Variants in EDARADD observed in about 807,000 individuals in gnomAD.
EDARADD encodes EDAR associated via death domain.
A neutral mutation model predicts 25.6 loss-of-function variants in EDARADD; 20 were observed. That is an observed-to-expected ratio of 0.78 (90% CI 0.55 to 1.14). EDARADD has a LOEUF of 1.14. EDARADD is among the 50% of genes most tolerant of loss of function. The pLI is 0.00. For synonymous variants in EDARADD, 86 were observed against 94.4 expected (o/e 0.91, Z 0.52); for missense variants, 225 against 270.1 (o/e 0.83, Z 1.17).
chr1:236,432,795 G>T (rs1383124479), intron 4 of EDARADD, among the ~76,000 whole-genome samples: 2 of 152,140 alleles, frequency 1.3e-5, no homozygotes, highest in African/African-American at 4.8e-5. Context: ...TAAGGCAGGA[G>T]AATTGCTTGA....
intron 2 of EDARADD, among the ~76,000 whole-genome samples, chr1:236,349,234 G>A (rs56115980): frequency 0.1 from 15,485 of 151,628 alleles, 1,254 homozygotes; most frequent in African/African-American, 0.22. Flanking sequence ...TGTAGTGATG[G>A]GATCTTGGCT....
At chr1:236,464,566 A>C (rs1659136987) in intron 4 of EDARADD, among the ~76,000 whole-genome samples, 1 of 150,780 alleles carries the variant, frequency 6.6e-6, no homozygotes, top group African/African-American at 2.4e-5. Flanking sequence ...CTGAGTAGCT[A>C]GGAACACAGG....
intron 3 of EDARADD, among the ~76,000 whole-genome samples, chr1:236,375,278 A>C (rs1667213470): frequency 6.6e-6 from 1 of 152,214 alleles, no homozygotes; most frequent in Non-Finnish European, 1.5e-5. Flanking sequence ...ACGTAAATAT[A>C]TATGTATATA....
chr1:236,387,029 C>A (rs1572120327), intron 3 of EDARADD, among the ~76,000 whole-genome samples: 1 of 47,318 alleles, frequency 2.1e-5, no homozygotes. Context: ...CGGCCAGCCG[C>A]CCCATCCGGG....
intron 1 of EDARADD, among the ~76,000 whole-genome samples, chr1:236,394,980 T>C (rs1667486591): frequency 6.6e-6 from 1 of 152,188 alleles, no homozygotes; most frequent in Non-Finnish European, 1.5e-5. Flanking sequence ...ATGTAGTAAC[T>C]AATGCCAAAG....
intron 1 of EDARADD, among the ~76,000 whole-genome samples, chr1:236,400,720 A>ATTTTTT (rs55864840): frequency 1.6e-4 from 19 of 121,164 alleles, no homozygotes; most frequent in Non-Finnish European, 1.5e-4. Context: ...ACACCCGGCT[A>ATTTTTT]TTTTTTTTTT....
chr1:236,416,385 T>C (rs529264617), intron 3 of EDARADD, among the ~76,000 whole-genome samples: 1 of 152,370 alleles, frequency 6.6e-6, no homozygotes, highest in African/African-American at 2.4e-5. Context: ...GGAGCTGTAA[T>C]GGCCCTAGCA....
chr1:236,381,776 C>CT (rs1300263414), intron 3 of EDARADD, among the ~76,000 whole-genome samples: 26 of 16,652 alleles, frequency 1.6e-3, no homozygotes, highest in South Asian at 4.4e-3. Flanking sequence ...TGTAATATGT[C>CT]TTTTTTTTTT....
chr1:236,460,692 G>A (rs750019287), intron 4 of EDARADD, among the ~76,000 whole-genome samples: 9 of 152,208 alleles, frequency 5.9e-5, no homozygotes, highest in East Asian at 1.9e-4. Flanking sequence ...TGGTACTAAC[G>A]TTTAGACATG....
intron 3 of EDARADD, among the ~76,000 whole-genome samples, chr1:236,383,089 G>GA (rs1422140799): frequency 6.6e-6 from 1 of 151,998 alleles, no homozygotes; most frequent in African/African-American, 2.4e-5. Flanking sequence ...TCTCTGCGCT[G>GA]CAACTTAGAA....
At chr1:236,405,870 C>CT (rs1558112769) in intron 1 of EDARADD, among the ~76,000 whole-genome samples, 79 of 37,490 alleles carry the variant, frequency 2.1e-3, no homozygotes, top group African/African-American at 8.0e-3. Context: ...TCCTTCCTTC[C>CT]TTCCTTCTTT....
chr1:236,380,690 G>A lies in EDARADD; in HGVS notation c.-5-28526G>A, dbSNP rs569006638. On this transcript the variant is annotated intron_variant, in intron 3 of 7. Coordinates refer to the EDARADD transcript ENST00000439430. ...AATTGCCCAGAAATAGCCATTATTA[G>A]CTATTGTTATGAGCTTGGCATGTAT... Among the ~76,000 whole-genome samples the A allele has an allele frequency of 1.4e-4, 22 of 152,242 alleles. 1 individual carries two copies. The South Asian group carries it at 4.4e-3, about 30-fold the overall frequency.
rs141130580 is a variant in EDARADD, at chr1:236,419,509, G to A, written c.160+5210G>A. 2.5e-3 allele frequency among the ~76,000 whole-genome samples: 378 copies of A among 152,318 alleles called. 1 individual carries two copies. The highest frequency in any genetic ancestry group is 4.4e-3 in the Non-Finnish European group (299 of 68,028). On this transcript the variant is annotated intron_variant, in intron 3 of 5. Coordinates refer to ENST00000334232, the MANE Select transcript of EDARADD (RefSeq NM_145861.4). Reference sequence around the variant, plus strand: ...TGACATTGTGGGGATGACTGTGATTGAAGTCACACACCTATTACGTTGGGC... The same window carrying A: ...TGACATTGTGGGGATGACTGTGATTAAAGTCACACACCTATTACGTTGGGC...
At chr1:236,457,832 A>T (rs71585715) in intron 4 of EDARADD, among the ~76,000 whole-genome samples, 26,642 of 148,972 alleles carry the variant, frequency 0.18, 2,986 homozygotes, top group Non-Finnish European at 0.25. Flanking sequence ...CCAAAAAAAA[A>T]AAAAAAAAAA....
At chr1:236,459,611 C>CCTTTTTTTTTTTTTTTTTT (rs776064017) in intron 4 of EDARADD, among the ~76,000 whole-genome samples, 3 of 100,462 alleles carry the variant, frequency 3.0e-5, no homozygotes, top group Non-Finnish European at 4.1e-5. Flanking sequence ...TTATTTAGCT[C>CCTTTTTTTTTTTTTTTTTT]TTTTTTTTTT....
intron 2 of EDARADD, among the ~76,000 whole-genome samples, chr1:236,410,450 A>G (rs1657436559): frequency 1.3e-5 from 2 of 152,086 alleles, no homozygotes; most frequent in African/African-American, 2.4e-5. Flanking sequence ...GGCTGCCATC[A>G]TTATTTTTCA....
chr1:236,477,283 A>G (rs1469718958), intron 5 of EDARADD, among the ~76,000 whole-genome samples: 1 of 152,082 alleles, frequency 6.6e-6, no homozygotes, highest in Non-Finnish European at 1.5e-5. Context: ...TGGGAGGCTG[A>G]AGTGAGCAGA....
chr1:236,462,902 T>C (rs572488497), intron 4 of EDARADD, among the ~76,000 whole-genome samples: 1 of 152,326 alleles, frequency 6.6e-6, no homozygotes, highest in Non-Finnish European at 1.5e-5. Context: ...AAGGAGATGT[T>C]TGAAACAACC....
rs910814251 is a variant in EDARADD, at chr1:236,398,476, G to A, written c.61+3971G>A. ...TCCGGTGCTGGCTTTCCAACACTCCGACAGATCCTCAGTCCTTGAGGCTTA... is the reference window on the plus strand; with the variant it reads ...TCCGGTGCTGGCTTTCCAACACTCCAACAGATCCTCAGTCCTTGAGGCTTA... On this transcript the variant is annotated intron_variant, in intron 1 of 5. Transcript: ENST00000334232. This position sits in a 1 kb window ranked among gnomAD's most constrained non-coding sequence, Gnocchi z 4.1. Among the ~76,000 whole-genome samples, 8 of 152,310 alleles carry A rather than the reference G, an allele frequency of 5.3e-5. No individual in the cohort carries two copies. The Middle Eastern group carries it at 0.01, about 194-fold the overall frequency.
Sources: gnomAD v4.1 joint callset for allele counts (sites outside exome capture counted in the v4.1 genomes callset) on GRCh38, gnomAD v4.1.1 for gene constraint, Gnocchi (gnomAD v3.1) non-coding constraint, MANE v1.5 for transcripts, NCBI Gene and HGNC (gene_info 2026-07-23, HGNC 2026-07-21) for gene names.